The following KIAA1217 variants were observed in gnomAD, a reference collection of about 807,000 sequenced individuals.
The protein encoded by KIAA1217 is sickle tail protein homolog.
Under a neutral mutation model 163.9 loss-of-function variants are expected in KIAA1217, and 88 were observed. The observed-to-expected ratio is 0.54, with a 90% CI of 0.45 to 0.64. KIAA1217 has a LOEUF of 0.64. Ranked by LOEUF, KIAA1217 falls within the 30% of genes least tolerant of loss-of-function variation. The pLI is 0.00. For synonymous variants in KIAA1217, 903 were observed against 923.1 expected, an observed-to-expected ratio of 0.98 and a Z score of 0.39; for missense variants, 2,372 against 2,475.0, an observed-to-expected ratio of 0.96 and a Z score of 0.88.
At chr10:24,186,910 T>A (rs1418950391) in intron 2 of KIAA1217, among the ~76,000 whole-genome samples, 2 of 151,828 alleles carry the variant, frequency 1.3e-5, no homozygotes, top group Non-Finnish European at 2.9e-5. Context: ...AACGAAAAAA[T>A]TTTAATCTAG....
chr10:24,314,248 A>G (rs1280688088), intron 2 of KIAA1217, among the ~76,000 whole-genome samples: 1 of 152,206 alleles, frequency 6.6e-6, no homozygotes, highest in Non-Finnish European at 1.5e-5. Flanking sequence ...TACAAAATAA[A>G]TAGAACCAAC....
rs1408935958 is a variant in KIAA1217 at position 24,503,606 on chromosome 10, T to C, written c.2001+2061T>C. On this transcript the variant is annotated intron_variant, in intron 9 of 20. Coordinates refer to ENST00000376454, the MANE Select transcript of KIAA1217 (RefSeq NM_019590.5). ...AACCTGATAGAATAAGTATCCAGTG[T>C]TTCTAGATGTTTCAATATTTCAAGC... Among the ~76,000 whole-genome samples the C allele has an allele frequency of 2.0e-5, 3 of 152,206 alleles. No homozygotes were observed. The East Asian group carries it at 5.8e-4, about 29-fold the overall frequency.
chr10:23,772,490 A>G (rs924689849), intron 1 of KIAA1217, among the ~76,000 whole-genome samples: 1 of 152,198 alleles, frequency 6.6e-6, no homozygotes, highest in African/African-American at 2.4e-5. Context: ...AAGATCAGCT[A>G]ATACTTAGGA....
chr10:24,543,458 C>T lies in KIAA1217; in HGVS notation c.4188C>T (p.Ser1396=), dbSNP rs1441974378. The part of the protein sequence containing the change: ...MITETTVQVL[S]SGEVHDIVSQ... ...CCGAAACCACTGTCCAGGTTCTTTCCAGTGGGGAGGTGCATGATATTGTTA... is the reference window on the plus strand; with the variant it reads ...CCGAAACCACTGTCCAGGTTCTTTCTAGTGGGGAGGTGCATGATATTGTTA... The change falls in exon 19 of 21, where the codon TCC becomes TCT. Residue 1396 remains serine, a synonymous_variant. Transcript: ENST00000376454. 3 of 1,613,938 alleles carry T rather than the reference C, an allele frequency of 1.9e-6. No homozygotes were observed. Among genetic ancestry groups the T allele is most frequent in the African/African-American group, 1.3e-5 (1 of 74,860 alleles).
chr10:24,477,597 G>A (rs1260450342), intron 6 of KIAA1217, among the ~76,000 whole-genome samples: 1 of 152,182 alleles, frequency 6.6e-6, no homozygotes, highest in Non-Finnish European at 1.5e-5. Context: ...CTAAGTAACT[G>A]CTCCTAAAGG....
intron 1 of KIAA1217, among the ~76,000 whole-genome samples, chr10:23,770,175 G>A (rs979713480): frequency 6.6e-6 from 1 of 152,170 alleles, no homozygotes. Context: ...ATTGATGTGT[G>A]GCTTCTAGTT....
intron 2 of KIAA1217, among the ~76,000 whole-genome samples, chr10:24,285,158 T>C (rs1590602668): frequency 6.6e-6 from 1 of 152,320 alleles, no homozygotes. Context: ...AGTTTGCAAA[T>C]ATTTTCTCTC....
At chr10:24,113,933 C>T (rs1314735198) in intron 2 of KIAA1217, among the ~76,000 whole-genome samples, 1 of 152,234 alleles carries the variant, frequency 6.6e-6, no homozygotes, top group African/African-American at 2.4e-5. Flanking sequence ...AGCAACAGAG[C>T]ATTAAGCCAA....
intron 2 of KIAA1217, among the ~76,000 whole-genome samples, chr10:24,378,071 T>A (rs556736976): frequency 2.0e-5 from 3 of 152,300 alleles, no homozygotes; most frequent in Non-Finnish European, 4.4e-5. Flanking sequence ...AGATTCGCTT[T>A]ATTTTTTTTC....
intron 1 of KIAA1217, among the ~76,000 whole-genome samples, chr10:23,719,942 A>G (rs1242372046): frequency 6.6e-6 from 1 of 152,088 alleles, no homozygotes; most frequent in Non-Finnish European, 1.5e-5. Context: ...ATAGTGTATG[A>G]TTACATTTAT....
chr10:23,872,418 A>G (rs1840497791), intron 1 of KIAA1217, among the ~76,000 whole-genome samples: 1 of 152,178 alleles, frequency 6.6e-6, no homozygotes, highest in African/African-American at 2.4e-5. Context: ...CTAACAAAAA[A>G]CAGCTGAGAG....
chr10:23,885,610 C>A (rs577572011), intron 1 of KIAA1217, among the ~76,000 whole-genome samples: 1 of 151,950 alleles, frequency 6.6e-6, no homozygotes, highest in Non-Finnish European at 1.5e-5. Context: ...CAGGAAAAGT[C>A]TCTCATTCAT....
chr10:24,494,528 A>G lies in KIAA1217; in HGVS notation c.1708A>G (p.Ile570Val). Residue 570 changes from isoleucine (I) to valine (V), a missense_variant, in exon 7 of 21, where the codon ATT (isoleucine) becomes GTT (valine). This residue lies in a region of KIAA1217 where 1,431 missense variants were observed against 1,470.3 expected (regional missense o/e 0.97). Coordinates refer to ENST00000376454, the MANE Select transcript of KIAA1217 (RefSeq NM_019590.5). ...GAGGATGCAAGCCATGGAGAAACAG[A>G]TTGCCAGTTTAACTGGCCTTGTTCA... is the stretch of plus-strand genomic sequence containing the variant. ...RERMQAMEKQ[I>V]ASLTGLVQSA... 1.2e-6 allele frequency: 2 copies of G among 1,613,954 alleles called. No homozygotes were observed. The highest frequency in any genetic ancestry group is 1.7e-6 in the Non-Finnish European group (2 of 1,179,912).
At chr10:24,281,761 T>C (rs1473380893) in intron 2 of KIAA1217, among the ~76,000 whole-genome samples, 1 of 151,838 alleles carries the variant, frequency 6.6e-6, no homozygotes, top group Non-Finnish European at 1.5e-5. Context: ...TTATATCATA[T>C]CAAGAGTAAC....
chr10:23,697,358 A>C (rs1836114390), intron 1 of KIAA1217, among the ~76,000 whole-genome samples: 1 of 152,208 alleles, frequency 6.6e-6, no homozygotes, highest in African/African-American at 2.4e-5. Context: ...TTTAAACCTC[A>C]TTAAAATATG....
chr10:24,474,522 C>T (rs1258125210), intron 6 of KIAA1217, among the ~76,000 whole-genome samples: 2 of 152,074 alleles, frequency 1.3e-5, no homozygotes, highest in South Asian at 2.1e-4. Flanking sequence ...ATTTTGTTTT[C>T]TCATCTGGTT....
chr10:24,537,024 G>GAC, intron 17 of KIAA1217, 131 bp downstream of exon 17: 2 of 1,055,800 alleles, frequency 1.9e-6, no homozygotes, highest in Non-Finnish European at 2.7e-6. Context: ...AACTAATGGA[G>GAC]ACACAGGCAT....
At chr10:24,406,945 G>C (rs2057279682) in intron 3 of KIAA1217, among the ~76,000 whole-genome samples, 1 of 152,156 alleles carries the variant, frequency 6.6e-6, no homozygotes, top group African/African-American at 2.4e-5. Context: ...AGTTTCATCT[G>C]ATGAAACAAC....
intron 1 of KIAA1217, among the ~76,000 whole-genome samples, chr10:23,824,658 A>AAAAAAAAAAAAAAAT (rs1837805755): frequency 1.9e-5 from 1 of 53,038 alleles, no homozygotes; most frequent in Non-Finnish European, 3.6e-5. Flanking sequence ...AAATAAAAAA[A>AAAAAAAAAAAAAAAT]ATATATATAT....
Sources: gnomAD v4.1 joint callset for allele counts (sites outside exome capture counted in the v4.1 genomes callset) on GRCh38, gnomAD v4.1.1 for gene constraint, gnomAD v4.1.1 regional missense constraint, MANE v1.5 for transcripts, NCBI Gene and HGNC (gene_info 2026-07-23, HGNC 2026-07-21) for gene names.